Variants in SCN1A observed in about 807,000 individuals in gnomAD.
The protein encoded by SCN1A is sodium channel protein type 1 subunit alpha.
SCN1A carries 13 observed loss-of-function variants against 193.7 expected under a neutral mutation model. The observed-to-expected ratio is 0.07, with a 90% CI of 0.04 to 0.11. The LOEUF is 0.11. Among genes scored for constraint, SCN1A ranks in the 10% least tolerant of loss-of-function variants. The probability of loss-of-function intolerance (pLI) is 1.00; values close to 1 mark genes in which losing one functional copy is unlikely to be tolerated. For synonymous variants in SCN1A, 781 were observed against 843.6 expected (o/e 0.93, Z 1.29); for missense variants, 1,432 against 2,451.1 (o/e 0.58, Z 8.78).
intron 23 of SCN1A, among the ~76,000 whole-genome samples, chr2:166,006,590 T>A (rs1395917283): frequency 1.3e-5 from 2 of 151,412 alleles, no homozygotes; most frequent in African/African-American, 2.4e-5. Context: ...TGGATTTTTT[T>A]ATTCTAACTT....
At chr2:166,071,797 G>C (rs1285435207) in intron 4 of SCN1A, 1 of 152,146 alleles carries the variant, frequency 6.6e-6, no homozygotes, top group African/African-American at 2.4e-5. Flanking sequence ...GACTGAGGCA[G>C]GAGAATGGCG....
chr2:166,033,988 T>C (rs1370638308), intron 19 of SCN1A, among the ~76,000 whole-genome samples: 2 of 136,392 alleles, frequency 1.5e-5, no homozygotes, highest in African/African-American at 5.5e-5. Flanking sequence ...AAGACAACAA[T>C]TTTTCAAAAA....
chr2:166,042,437 A>T lies in SCN1A; in HGVS notation c.2044-13T>A, dbSNP rs751415266. ...CAGTGGTTGTTCCCTGTAAAAAAAA[A>T]TGCTAATGCATTAAACAATTAATTT... On this transcript the variant is annotated splice_polypyrimidine_tract_variant and intron_variant, in intron 14 of 28. Coordinates refer to ENST00000674923, the MANE Select transcript of SCN1A (RefSeq NM_001165963.4). 1 of 1,612,568 alleles carries T rather than the reference A, an allele frequency of 6.2e-7. No individual in the cohort carries two copies. Among genetic ancestry groups the T allele is most frequent in the Non-Finnish European group, 8.5e-7 (1 of 1,178,850 alleles).
At chr2:166,081,914 C>T (rs781704665) in intron 2 of SCN1A, among the ~76,000 whole-genome samples, 3 of 151,830 alleles carry the variant, frequency 2.0e-5, no homozygotes, top group Admixed American at 6.6e-5. Context: ...AAATTACTAA[C>T]CAATTGATTA....
At chr2:166,086,938 T>A (rs1686193628) in intron 2 of SCN1A, among the ~76,000 whole-genome samples, 1 of 152,076 alleles carries the variant, frequency 6.6e-6, no homozygotes, top group Non-Finnish European at 1.5e-5. Context: ...ACAGCAGATG[T>A]GACATTGAGC....
intron 1 of SCN1A, among the ~76,000 whole-genome samples, chr2:166,142,940 T>G (rs1252736730): frequency 6.6e-6 from 1 of 152,194 alleles, no homozygotes; most frequent in Admixed American, 6.5e-5. Flanking sequence ...TTCTTTTCCT[T>G]TGTCTTCTGC....
At chr2:166,044,377 G>C (rs754902682) in intron 13 of SCN1A, among the ~76,000 whole-genome samples, 14 of 152,114 alleles carry the variant, frequency 9.2e-5, no homozygotes, top group Non-Finnish European at 1.9e-4. Flanking sequence ...GGCAATGGAC[G>C]TGGTAAACAT....
In SCN1A at chr2:166,017,988, T is replaced by C. The variant is rs1364724484; in HGVS notation, c.3430-2261A>G. The stretch of plus-strand genomic sequence containing the variant: ...AAAGTTGCTCAGTAATTAATCTTCA[T>C]GTAAGTGCCACAGATAAATGATTGA... On this transcript the variant is annotated intron_variant, in intron 19 of 28. Transcript: ENST00000674923. Among the ~76,000 whole-genome samples the C allele has an allele frequency of 2.6e-5, 4 of 152,034 alleles. No individual in the cohort carries two copies. In the East Asian group the frequency reaches 7.7e-4, roughly 29 times the overall value.
At chr2:166,132,254 A>G (rs1437395084), upstream of SCN1A, among the ~76,000 whole-genome samples, 2 of 152,198 alleles carry the variant, frequency 1.3e-5, no homozygotes, top group Non-Finnish European at 2.9e-5. Context: ...CTGTATCACT[A>G]CAAATCCTGA....
At chr2:166,090,029 C>CTTTTTTTTT (rs545740675) in intron 2 of SCN1A, among the ~76,000 whole-genome samples, 44 of 71,430 alleles carry the variant, frequency 6.2e-4, no homozygotes, top group East Asian at 7.9e-4. Context: ...TCCTTCTTTC[C>CTTTTTTTTT]TTTTTTTTTT....
intron 2 of SCN1A, among the ~76,000 whole-genome samples, chr2:166,111,159 C>T (rs563672384): frequency 6.6e-6 from 1 of 152,210 alleles, no homozygotes; most frequent in South Asian, 2.1e-4. Context: ...AAAGAAGATG[C>T]CATCTAGGAC....
chr2:166,093,399 C>G (rs925491786), intron 2 of SCN1A, among the ~76,000 whole-genome samples: 6 of 151,554 alleles, frequency 4.0e-5, no homozygotes, highest in African/African-American at 1.5e-4. Context: ...AGTGCAGTGG[C>G]GTGATCTGGG....
intron 24 of SCN1A, 58 bp downstream of exon 24, chr2:166,002,414 A>T (rs961501899): frequency 7.9e-6 from 12 of 1,510,312 alleles, no homozygotes; most frequent in Non-Finnish European, 1.8e-6. Flanking sequence ...GATGTATGTC[A>T]TTATTTTGTT....
chr2:166,038,067 A>G lies in SCN1A; in HGVS notation c.2655T>C (p.Asn885=), dbSNP rs1696668881. The change falls in exon 18 of 29, where the codon AAT becomes AAC. Residue 885 remains asparagine, a synonymous_variant. Transcript: ENST00000674923. ...TTAAATTTCCCAGAGCCCCCACGGA[A>G]TTGCCGATGATCTTTATTAGCATAT... ...TLNMLIKIIG[N]SVGALGNLTL... is the part of the protein sequence containing the mutation. The G allele has an allele frequency of 1.9e-6, 3 of 1,614,062 alleles. No individual in the cohort carries two copies. Among genetic ancestry groups the G allele is most frequent in the Admixed American group, 1.7e-5 (1 of 60,010 alleles).
At chr2:166,100,122 G>T (rs1350332769) in intron 2 of SCN1A, among the ~76,000 whole-genome samples, 2 of 137,540 alleles carry the variant, frequency 1.5e-5, no homozygotes, top group African/African-American at 5.2e-5. Context: ...ATACTACAAG[G>T]CTACAGTAAC....
chr2:166,081,298 C>T (rs1685494661), intron 2 of SCN1A, among the ~76,000 whole-genome samples: 1 of 151,916 alleles, frequency 6.6e-6, no homozygotes, highest in African/African-American at 2.4e-5. Flanking sequence ...ATTTCATTTT[C>T]CCTGTGGCAT....
chr2:166,105,656 T>C (rs538501985), intron 2 of SCN1A, among the ~76,000 whole-genome samples: 1 of 152,338 alleles, frequency 6.6e-6, no homozygotes, highest in South Asian at 2.1e-4. Context: ...TTTGAATGAA[T>C]GCCTAATTTT....
At chr2:166,140,616 C>T (rs1692040956) in intron 1 of SCN1A, among the ~76,000 whole-genome samples, 2 of 152,162 alleles carry the variant, frequency 1.3e-5, no homozygotes, top group African/African-American at 4.8e-5. Flanking sequence ...AGAAGCATGC[C>T]TCAATCTGGC....
At chr2:166,078,311 C>T (rs781056186) in intron 2 of SCN1A, among the ~76,000 whole-genome samples, 11 of 151,580 alleles carry the variant, frequency 7.3e-5, no homozygotes, top group Non-Finnish European at 1.2e-4. Flanking sequence ...TACCTATATA[C>T]AATACAGGTA....
Sources: allele counts gnomAD v4.1 joint callset (sites outside exome capture counted in the v4.1 genomes callset), GRCh38; gene constraint gnomAD v4.1.1; transcripts MANE v1.5; gene names NCBI Gene and HGNC (gene_info 2026-07-23, HGNC 2026-07-21).